The following MID2 variants were observed in gnomAD, a reference collection of about 807,000 sequenced individuals.
MID2 encodes the protein midline 2, also known as probable E3 ubiquitin-protein ligase MID2.
A neutral mutation model predicts 46.1 loss-of-function variants in MID2; 13 were observed. The observed-to-expected ratio is 0.28, with a 90% confidence interval of 0.18 to 0.45. The LOEUF is 0.45. MID2 is among the 20% of genes least tolerant of loss of function. The pLI is 1.00. For missense variants in MID2, 431 were observed against 575.4 expected (o/e 0.75, Z 2.57); for synonymous variants, 199 against 212.3 (o/e 0.94, Z 0.55).
At chrX:107,873,464 C>T (rs1375571005) in intron 3 of MID2, among the ~76,000 whole-genome samples, 2 of 112,135 alleles carry the variant, frequency 1.8e-5, no homozygotes, top group Non-Finnish European at 3.8e-5. Context: ...TTTATCCTTA[C>T]GTAGGTGGAA....
In MID2 at chrX:107,926,078, T is replaced by A. The variant is rs1569472206; in HGVS notation, c.1598-16T>A. 3 of 1,137,048 alleles carry A rather than the reference T, an allele frequency of 2.6e-6. No individual in the cohort carries two copies. The Admixed American group carries it at 8.0e-5, about 30-fold the overall frequency. The allele number at this position is 1,137,048 out of a possible 1,213,427, so 93.7% of individuals were successfully genotyped here. A position where few individuals can be genotyped will look rare whatever the true frequency, so the allele number is the denominator to read the frequency against. On this transcript the variant is annotated splice_polypyrimidine_tract_variant and intron_variant, in intron 8 of 9. Coordinates refer to ENST00000262843, the MANE Select transcript of MID2 (RefSeq NM_012216.4). ...CATAGTGCTTTTTCTTTTTTTTTTT[T>A]CTACTTATTTTTCAGGCCAACCCTT...
At chrX:107,895,960 A>G (rs914714767) in intron 3 of MID2, 1 of 112,466 alleles carries the variant, frequency 8.9e-6, no homozygotes, top group African/African-American at 3.2e-5. Context: ...CGAGATAGAA[A>G]GGAGGTTTCT....
intron 1 of MID2, among the ~76,000 whole-genome samples, chrX:107,837,717 T>C (rs188302687): frequency 9.0e-6 from 1 of 111,289 alleles, no homozygotes; most frequent in Non-Finnish European, 1.9e-5. Flanking sequence ...ACCTGTGCTC[T>C]GGGTATGTAT....
chrX:107,888,011 C>G (rs1932501828), intron 3 of MID2, among the ~76,000 whole-genome samples: 1 of 111,552 alleles, frequency 9.0e-6, no homozygotes, highest in African/African-American at 3.3e-5. Flanking sequence ...TGATTCTTCT[C>G]TCTTTTCTTC....
intron 3 of MID2, among the ~76,000 whole-genome samples, chrX:107,859,937 T>C (rs1931821928): frequency 9.0e-6 from 1 of 111,668 alleles, no homozygotes; most frequent in Non-Finnish European, 1.9e-5. Flanking sequence ...TTGTAGGCCA[T>C]GTATAGGTGT....
intron 3 of MID2, among the ~76,000 whole-genome samples, chrX:107,887,104 A>G (rs1254646900): frequency 2.7e-5 from 3 of 111,377 alleles, no homozygotes; most frequent in African/African-American, 9.8e-5. Context: ...TCCTAATTGA[A>G]TACCCTTTAT....
At chrX:107,837,006 C>T (rs1456407133) in intron 1 of MID2, among the ~76,000 whole-genome samples, 1 of 111,048 alleles carries the variant, frequency 9.0e-6, no homozygotes, top group Non-Finnish European at 1.9e-5. Context: ...AACCCTTTCC[C>T]CAGGAAAAAT....
At position 107,926,083 on chromosome X, in the gene MID2, T is replaced by C. The variant is rs765336333; in HGVS notation, c.1598-11T>C. The C allele has an allele frequency of 8.7e-7, 1 of 1,154,792 alleles. No homozygotes were observed. Among genetic ancestry groups the C allele is most frequent in the Non-Finnish European group, 1.2e-6 (1 of 858,552 alleles). On this transcript the variant is annotated splice_polypyrimidine_tract_variant and intron_variant, in intron 8 of 9. Transcript: ENST00000262843. The stretch of plus-strand genomic sequence containing the variant: ...TGCTTTTTCTTTTTTTTTTTTCTAC[T>C]TATTTTTCAGGCCAACCCTTTAAAT...
intron 1 of MID2, among the ~76,000 whole-genome samples, chrX:107,833,424 T>C (rs997485281): frequency 2.1e-4 from 21 of 101,755 alleles, no homozygotes; most frequent in African/African-American, 6.5e-4. Context: ...TATATATATA[T>C]ATATATTTTT....
intron 3 of MID2, among the ~76,000 whole-genome samples, chrX:107,869,199 A>G (rs1249014357): frequency 9.0e-6 from 1 of 111,657 alleles, no homozygotes; most frequent in Non-Finnish European, 1.9e-5. Flanking sequence ...CCTTTCAGAT[A>G]GATAACTATT....
At chrX:107,870,957 A>T (rs1175046695) in intron 3 of MID2, among the ~76,000 whole-genome samples, 1 of 109,884 alleles carries the variant, frequency 9.1e-6, no homozygotes, top group Non-Finnish European at 1.9e-5. Context: ...TTTCATTTTG[A>T]TTTTATTAGT....
intron 3 of MID2, 44 bp downstream of exon 3, chrX:107,854,748 G>A: frequency 1.0e-6 from 1 of 990,012 alleles, no homozygotes; most frequent in Non-Finnish European, 1.4e-6. Context: ...GACCTGAAAT[G>A]GGTGACCCTT....
intron 3 of MID2, among the ~76,000 whole-genome samples, chrX:107,870,913 GTTAA>G (rs1034322513): frequency 9.1e-6 from 1 of 110,428 alleles, no homozygotes; most frequent in African/African-American, 3.3e-5. Flanking sequence ...AGCTTTTGAT[GTTAA>G]TTATCTGTTA....
At position 107,931,562 on chromosome X, in the gene MID2, T is replaced by C. The variant is rs1446874199; in HGVS notation, c.*4489T>C. ...ATGAGCATCTGTGGATTACACAGCC[T>C]CATCCCTCTCTACAATATTCCAGCC... On this transcript the variant is annotated 3_prime_UTR_variant, in exon 10 of 10. Coordinates refer to ENST00000262843, the MANE Select transcript of MID2 (RefSeq NM_012216.4). Among the ~76,000 whole-genome samples, 1 of 111,976 alleles carries C rather than the reference T, an allele frequency of 8.9e-6. No individual in the cohort carries two copies. The highest frequency in any genetic ancestry group is 1.9e-5 in the Non-Finnish European group (1 of 53,180).
At chrX:107,850,726 A>C (rs1401280883) in intron 2 of MID2, among the ~76,000 whole-genome samples, 1 of 112,269 alleles carries the variant, frequency 8.9e-6, no homozygotes, top group Non-Finnish European at 1.9e-5. Context: ...CTCAAGGCGC[A>C]TAGTCTAACT....
At chrX:107,921,668 C>T (rs1933076830) in intron 7 of MID2, among the ~76,000 whole-genome samples, 1 of 111,361 alleles carries the variant, frequency 9.0e-6, no homozygotes, top group Admixed American at 9.5e-5. Context: ...CCATTTCCTC[C>T]CATTTGTTTA....
At chrX:107,875,192 G>A (rs1473590256) in intron 3 of MID2, among the ~76,000 whole-genome samples, 2 of 111,542 alleles carry the variant, frequency 1.8e-5, no homozygotes, top group African/African-American at 6.5e-5. Flanking sequence ...GTAATGGTAT[G>A]CAGAAGAAGG....
chrX:107,876,468 T>C (rs995127069), intron 3 of MID2, among the ~76,000 whole-genome samples: 1 of 111,518 alleles, frequency 9.0e-6, no homozygotes, highest in African/African-American at 3.3e-5. Flanking sequence ...ATCCCTGGTC[T>C]GTCACGGGTA....
intron 1 of MID2, among the ~76,000 whole-genome samples, chrX:107,826,797 C>T (rs1003901662): frequency 4.4e-5 from 5 of 113,469 alleles, no homozygotes; most frequent in Non-Finnish European, 9.4e-5. Context: ...AGGGCACGGC[C>T]GCCTTCCCAC....
Sources: allele counts gnomAD v4.1 joint callset (sites outside exome capture counted in the v4.1 genomes callset), GRCh38; gene constraint gnomAD v4.1.1; transcripts MANE v1.5; gene names NCBI Gene and HGNC (gene_info 2026-07-23, HGNC 2026-07-21).